Variants in KLF12 observed in about 807,000 individuals in gnomAD.
KLF12 encodes the protein Krueppel-like factor 12.
In KLF12, 9 loss-of-function variants were observed where a neutral mutation model predicts 37.8. That is an observed-to-expected ratio of 0.24 (90% CI 0.14 to 0.42). The LOEUF (loss-of-function observed/expected upper bound fraction) is 0.42, where lower values mean the gene tolerates loss of function less well. Ranked by LOEUF, KLF12 falls within the 10% of genes least tolerant of loss-of-function variation. The probability of loss-of-function intolerance (pLI) is 1.00; values close to 1 mark genes in which losing one functional copy is unlikely to be tolerated. For missense variants in KLF12, 411 were observed against 516.0 expected (o/e 0.80, Z 1.97); for synonymous variants, 208 against 202.1 (o/e 1.03, Z -0.25).
the KLF12 span, among the ~76,000 whole-genome samples, chr13:74,243,109 C>T: frequency 3.1e-3 from 471 of 152,128 alleles, 3 homozygotes; most frequent in African/African-American, 0.011. Context: ...CTCCCCTTGT[C>T]CCCCACCCCT....
intron 1 of KLF12, among the ~76,000 whole-genome samples, chr13:74,088,250 T>C (rs1875434822): frequency 6.6e-6 from 1 of 151,772 alleles, no homozygotes; most frequent in Admixed American, 6.6e-5. Flanking sequence ...ACTATTACAC[T>C]GATAAAAAGT....
chr13:73,885,426 C>G (rs975283890), intron 3 of KLF12, among the ~76,000 whole-genome samples: 12 of 152,192 alleles, frequency 7.9e-5, no homozygotes, highest in African/African-American at 2.7e-4. Context: ...TATCACAAAC[C>G]TAGTCCCAGT....
At chr13:73,846,874 G>T (rs1285070839) in intron 3 of KLF12, among the ~76,000 whole-genome samples, 1 of 152,084 alleles carries the variant, frequency 6.6e-6, no homozygotes, top group Non-Finnish European at 1.5e-5. Context: ...TTTATTAAAT[G>T]GAAGTCATTT....
At chr13:73,724,599 T>C (rs1876520617) in intron 6 of KLF12, among the ~76,000 whole-genome samples, 1 of 149,210 alleles carries the variant, frequency 6.7e-6, no homozygotes, top group Non-Finnish European at 1.5e-5. Flanking sequence ...CTGAGACAGA[T>C]AATATTTTAC....
intron 5 of KLF12, among the ~76,000 whole-genome samples, chr13:73,781,515 C>G (rs1393281464): frequency 6.6e-6 from 1 of 152,194 alleles, no homozygotes; most frequent in Admixed American, 6.5e-5. Context: ...TCTTGATACC[C>G]TCTTTTAAAT....
intron 7 of KLF12, among the ~76,000 whole-genome samples, chr13:73,708,657 T>C (rs1036961905): frequency 1.3e-5 from 2 of 152,178 alleles, no homozygotes; most frequent in Non-Finnish European, 2.9e-5. Context: ...AGAGCATTTA[T>C]TTTTTAGAAA....
At chr13:74,101,801 G>A (rs1566212949) in intron 1 of KLF12, among the ~76,000 whole-genome samples, 1 of 152,072 alleles carries the variant, frequency 6.6e-6, no homozygotes, top group Non-Finnish European at 1.5e-5. Flanking sequence ...ATCAGTAAAT[G>A]GGGAAAAAGG....
chr13:74,141,640 C>T, the KLF12 span, among the ~76,000 whole-genome samples: 6,667 of 152,260 alleles, frequency 0.044, 196 homozygotes, highest in South Asian at 0.11. Context: ...TTTCCTGCTC[C>T]CTTTCTTAAA....
chr13:73,797,104 T>C (rs2138313064), intron 5 of KLF12, among the ~76,000 whole-genome samples: 1 of 152,286 alleles, frequency 6.6e-6, no homozygotes, highest in African/African-American at 2.4e-5. Context: ...ATTGTTAAAT[T>C]CTTTGAACTG....
At chr13:73,978,737 GTTAC>G (rs1891611249) in intron 2 of KLF12, among the ~76,000 whole-genome samples, 1 of 152,132 alleles carries the variant, frequency 6.6e-6, no homozygotes, top group African/African-American at 2.4e-5. Flanking sequence ...TAATAGCAGT[GTTAC>G]TTACAGTTGC....
the KLF12 span, among the ~76,000 whole-genome samples, chr13:74,227,662 C>A: frequency 6.6e-6 from 1 of 152,078 alleles, no homozygotes; most frequent in Non-Finnish European, 1.5e-5. Context: ...GTTATAGAAT[C>A]AGCTCTGCAC....
At chr13:74,263,560 G>A in the KLF12 span, among the ~76,000 whole-genome samples, 2 of 152,152 alleles carry the variant, frequency 1.3e-5, no homozygotes, top group Non-Finnish European at 2.9e-5. Context: ...CACTTCTAGT[G>A]AGTTACTGAG....
At chr13:74,057,497 C>G (rs984055293) in intron 1 of KLF12, among the ~76,000 whole-genome samples, 1 of 152,116 alleles carries the variant, frequency 6.6e-6, no homozygotes, top group Non-Finnish European at 1.5e-5. Flanking sequence ...CTGTTAAGAC[C>G]AAAGCACTCA....
At chr13:73,942,393 C>G (rs1890228718) in intron 3 of KLF12, among the ~76,000 whole-genome samples, 2 of 151,968 alleles carry the variant, frequency 1.3e-5, no homozygotes, top group African/African-American at 4.8e-5. Flanking sequence ...ACGCCAGGCT[C>G]TATATGAGCT....
At chr13:74,097,904 C>G (rs78582390) in intron 1 of KLF12, among the ~76,000 whole-genome samples, 3,138 of 151,978 alleles carry the variant, frequency 0.021, 104 homozygotes, top group African/African-American at 0.066. Flanking sequence ...ATCTGCTGAC[C>G]CACCATGCAG....
intron 5 of KLF12, among the ~76,000 whole-genome samples, chr13:73,789,869 G>T (rs1413893278): frequency 6.6e-6 from 1 of 151,994 alleles, no homozygotes; most frequent in Non-Finnish European, 1.5e-5. Context: ...GTAGAGACGG[G>T]GTTTCACCGT....
In KLF12 at chr13:74,048,338, C is replaced by T. The variant is rs1163667298; in HGVS notation, c.-31-53285G>A. 3.9e-5 allele frequency among the ~76,000 whole-genome samples: 6 copies of T among 152,154 alleles called. No individual in the cohort carries two copies. The East Asian group carries it at 9.6e-4, about 24-fold the overall frequency. ...AAGGAATAGACTGGGCGACACTCAG[C>T]CTCTCTCACAGCTGGGTTTCTGTAA... On this transcript the variant is annotated intron_variant, in intron 1 of 7. Transcript: ENST00000377669.
chr13:73,818,224 C>A (rs1594127406), intron 4 of KLF12, among the ~76,000 whole-genome samples: 1 of 152,266 alleles, frequency 6.6e-6, no homozygotes, highest in African/African-American at 2.4e-5. Context: ...CGGCTCACTG[C>A]AACCTCCGCC....
chr13:73,840,948 C>T (rs2138651551), intron 4 of KLF12, among the ~76,000 whole-genome samples: 1 of 152,262 alleles, frequency 6.6e-6, no homozygotes, highest in East Asian at 1.9e-4. Context: ...TTGCAAAGGT[C>T]TTCCACAGCT....
Sources: gnomAD v4.1 joint callset for allele counts (sites outside exome capture counted in the v4.1 genomes callset) on GRCh38, gnomAD v4.1.1 for gene constraint, MANE v1.5 for transcripts, NCBI Gene and HGNC (gene_info 2026-07-23, HGNC 2026-07-21) for gene names.